The following LRRIQ1 variants were observed in gnomAD, a reference collection of about 807,000 sequenced individuals.
The protein encoded by LRRIQ1 is leucine-rich repeat- and IQ domain-containing protein 1.
A neutral mutation model predicts 211.9 loss-of-function variants in LRRIQ1; 210 were observed. That is an observed-to-expected ratio of 0.99 (90% CI 0.89 to 1.11). The LOEUF is 1.11. Among genes scored for constraint, LRRIQ1 ranks in the 50% most tolerant of loss-of-function variants. The probability of loss-of-function intolerance (pLI) is 0.00; values close to 1 mark genes in which losing one functional copy is unlikely to be tolerated. For missense variants in LRRIQ1, 2,136 were observed against 1,939.5 expected (o/e 1.10, Z -1.90); for synonymous variants, 699 against 650.1 (o/e 1.08, Z -1.14).
At chr12:85,167,907 C>T (rs2136784702) in intron 24 of LRRIQ1, among the ~76,000 whole-genome samples, 1 of 144,078 alleles carries the variant, frequency 6.9e-6, no homozygotes, top group Middle Eastern at 3.4e-3. Context: ...TTCATACAAT[C>T]GGAAGTGCAC....
At chr12:85,080,945 A>G (rs915048510) in intron 11 of LRRIQ1, among the ~76,000 whole-genome samples, 4 of 152,006 alleles carry the variant, frequency 2.6e-5, no homozygotes, top group Admixed American at 1.3e-4. Context: ...AGGCTAGTAT[A>G]TTATTATTTT....
chr12:85,206,845 G>A (rs1251100460), intron 24 of LRRIQ1, among the ~76,000 whole-genome samples: 1 of 152,052 alleles, frequency 6.6e-6, no homozygotes, highest in African/African-American at 2.4e-5. Flanking sequence ...AGGTCAAACG[G>A]GCCTCATCTC....
chr12:85,204,527 C>T (rs1040388590), intron 24 of LRRIQ1, among the ~76,000 whole-genome samples: 1 of 152,144 alleles, frequency 6.6e-6, no homozygotes, highest in African/African-American at 2.4e-5. Context: ...CTGGAAAGCC[C>T]CAAGGGTGGA....
rs1328980456 is a variant in LRRIQ1 at position 85,065,298 on chromosome 12, G to A, written c.2428G>A (p.Val810Ile). The A allele has an allele frequency of 6.2e-7, 1 of 1,610,496 alleles. No homozygotes were observed. Among genetic ancestry groups the A allele is most frequent in the Non-Finnish European group, 8.5e-7 (1 of 1,177,820 alleles). Residue 810 changes from valine to isoleucine, a missense_variant, in exon 9 of 27, where the codon GTT becomes ATT. Physicochemically the swap from Val to Ile is conservative, Grantham distance 29. Transcript: ENST00000393217. Reference protein sequence around the residue: ...TVTFQDLPGCVLSTLAECTNL... With the variant: ...TVTFQDLPGCILSTLAECTNL... Reference sequence around the variant, plus strand: ...TACATTTCAAGATTTGCCAGGCTGTGTTCTCTCCACACTGGCAGAGTGTAC... The same window carrying A: ...TACATTTCAAGATTTGCCAGGCTGTATTCTCTCCACACTGGCAGAGTGTAC...
chr12:85,176,707 C>T (rs1175651910), intron 24 of LRRIQ1, among the ~76,000 whole-genome samples: 1 of 149,670 alleles, frequency 6.7e-6, no homozygotes, highest in East Asian at 2.0e-4. Flanking sequence ...CTAACCTGCA[C>T]AATGTGCACA....
chr12:85,131,070 G>A (rs963838833), intron 18 of LRRIQ1, among the ~76,000 whole-genome samples: 1 of 150,010 alleles, frequency 6.7e-6, no homozygotes, highest in African/African-American at 2.5e-5. Flanking sequence ...AAAAAAATTA[G>A]CCAGGCATGG....
intron 1 of LRRIQ1, among the ~76,000 whole-genome samples, chr12:85,260,130 A>T (rs201670440): frequency 7.0e-4 from 11 of 15,768 alleles, no homozygotes; most frequent in African/African-American, 4.7e-3. Flanking sequence ...CATGTTGGTT[A>T]AAAAAAAAAA....
chr12:85,252,654 G>C (rs1895979950), intron 1 of LRRIQ1, among the ~76,000 whole-genome samples: 1 of 151,444 alleles, frequency 6.6e-6, no homozygotes. Flanking sequence ...AAAGAGTCAG[G>C]CCTGAAATCT....
At chr12:85,137,731 AT>A (rs1461992338) in intron 18 of LRRIQ1, 118 bp from the exon 19 acceptor site, 1 of 794,876 alleles carries the variant, frequency 1.3e-6, no homozygotes, top group African/African-American at 1.8e-5. Context: ...CAGAAAACAG[AT>A]TATTGTGTCA....
chr12:85,077,667 GCATGGTGGCTTACACCTGTAATCACAGCA>G (rs1179655320), intron 11 of LRRIQ1, among the ~76,000 whole-genome samples: 1 of 151,966 alleles, frequency 6.6e-6, no homozygotes, highest in Non-Finnish European at 1.5e-5. Context: ...ATTAGGACAG[GCATGGTGGCTTACACCTGTAATCACAGCA>G]CATGGTGGCT....
At chr12:85,135,017 A>G (rs1007864694) in intron 18 of LRRIQ1, among the ~76,000 whole-genome samples, 5 of 152,034 alleles carry the variant, frequency 3.3e-5, no homozygotes, top group Non-Finnish European at 7.4e-5. Context: ...ATTTTTCACT[A>G]TCACCAAATA....
intron 24 of LRRIQ1, among the ~76,000 whole-genome samples, chr12:85,189,025 G>A (rs551059802): frequency 6.6e-6 from 1 of 152,022 alleles, no homozygotes; most frequent in Non-Finnish European, 1.5e-5. Context: ...TGCACAAGGT[G>A]GAGAATCTCA....
intron 11 of LRRIQ1, among the ~76,000 whole-genome samples, chr12:85,093,431 C>A (rs951270749): frequency 3.9e-5 from 6 of 152,062 alleles, no homozygotes; most frequent in African/African-American, 1.4e-4. Flanking sequence ...AAGTGCATGC[C>A]CTTAACTCAC....
At chr12:85,247,866 C>G (rs561020968), downstream of LRRIQ1, among the ~76,000 whole-genome samples, 1 of 151,600 alleles carries the variant, frequency 6.6e-6, no homozygotes, top group East Asian at 1.9e-4. Flanking sequence ...TGTTAGAAAA[C>G]TTCCTAAATG....
At chr12:85,165,709 T>G (rs1891125159) in intron 24 of LRRIQ1, among the ~76,000 whole-genome samples, 1 of 152,004 alleles carries the variant, frequency 6.6e-6, no homozygotes, top group Non-Finnish European at 1.5e-5. Context: ...GCTCAGGCAA[T>G]CCACCCGCCT....
At chr12:85,086,078 C>A (rs926169876) in intron 11 of LRRIQ1, among the ~76,000 whole-genome samples, 3 of 152,192 alleles carry the variant, frequency 2.0e-5, no homozygotes, top group African/African-American at 7.2e-5. Context: ...CTTTTCTCTG[C>A]AACCTCTCCA....
At chr12:85,082,527 A>G (rs1410375673) in intron 11 of LRRIQ1, among the ~76,000 whole-genome samples, 1 of 151,600 alleles carries the variant, frequency 6.6e-6, no homozygotes, top group African/African-American at 2.4e-5. Context: ...TGTATGTGTG[A>G]TATATTTATT....
At chr12:85,040,217 A>G (rs990490497) in intron 2 of LRRIQ1, among the ~76,000 whole-genome samples, 2 of 151,680 alleles carry the variant, frequency 1.3e-5, no homozygotes, top group Admixed American at 6.6e-5. Flanking sequence ...GCATTCAAAA[A>G]TAAACAGCCT....
At chr12:85,076,854 T>A (rs1174520064) in intron 11 of LRRIQ1, among the ~76,000 whole-genome samples, 1 of 152,020 alleles carries the variant, frequency 6.6e-6, no homozygotes, top group Non-Finnish European at 1.5e-5. Context: ...CAATGCTTAG[T>A]GTAAAGCTGA....
Sources: gnomAD v4.1 joint callset for allele counts (sites outside exome capture counted in the v4.1 genomes callset) on GRCh38, gnomAD v4.1.1 for gene constraint, MANE v1.5 for transcripts, NCBI Gene and HGNC (gene_info 2026-07-23, HGNC 2026-07-21) for gene names.